The following SOHLH2 variants were observed in gnomAD, a reference collection of about 807,000 sequenced individuals.
The protein encoded by SOHLH2 is spermatogenesis- and oogenesis-specific basic helix-loop-helix-containing protein 2.
In SOHLH2, 22 loss-of-function variants were observed where a neutral mutation model predicts 50.4. The observed-to-expected ratio is 0.44, with a 90% CI of 0.31 to 0.62. The LOEUF is 0.62. Ranked by LOEUF, SOHLH2 falls within the 20% of genes least tolerant of loss-of-function variation. The pLI is 0.08. For synonymous variants in SOHLH2, 185 were observed against 187.3 expected (o/e 0.99, Z 0.10); for missense variants, 412 against 504.4 (o/e 0.82, Z 1.76).
intron 6 of SOHLH2, among the ~76,000 whole-genome samples, chr13:36,185,642 C>T (rs987664349): frequency 6.6e-6 from 1 of 151,696 alleles, no homozygotes; most frequent in African/African-American, 2.4e-5. Flanking sequence ...GATCAAGAAA[C>T]AAGGCAGAAA....
chr13:36,182,821 T>C (rs994747233), intron 6 of SOHLH2: 1 of 153,384 alleles, frequency 6.5e-6, no homozygotes, highest in Admixed American at 6.5e-5. Context: ...CAGTATTAGA[T>C]AACTGGGCGA....
chr13:36,177,815 G>T (rs576836366), intron 6 of SOHLH2, among the ~76,000 whole-genome samples: 143 of 152,026 alleles, frequency 9.4e-4, no homozygotes, highest in African/African-American at 3.1e-3. Flanking sequence ...TGGATACCAG[G>T]ATTTGTCAGA....
At chr13:36,179,851 G>C (rs1887200697) in intron 6 of SOHLH2, among the ~76,000 whole-genome samples, 1 of 152,102 alleles carries the variant, frequency 6.6e-6, no homozygotes, top group Non-Finnish European at 1.5e-5. Context: ...ATGTTCATGA[G>C]GGATACTGGT....
intron 6 of SOHLH2, among the ~76,000 whole-genome samples, chr13:36,186,788 A>C (rs761221047): frequency 5.9e-5 from 9 of 152,224 alleles, no homozygotes; most frequent in Non-Finnish European, 1.3e-4. Context: ...TAAGAATGCG[A>C]GTATCAGAGA....
intron 1 of SOHLH2, among the ~76,000 whole-genome samples, chr13:36,203,087 A>G (rs1033919980): frequency 7.2e-5 from 11 of 152,204 alleles, no homozygotes; most frequent in Non-Finnish European, 1.6e-4. Context: ...TTTTTTATAA[A>G]ATAGTCAACC....
chr13:36,179,249 G>A (rs1887181377), intron 6 of SOHLH2, among the ~76,000 whole-genome samples: 1 of 152,198 alleles, frequency 6.6e-6, no homozygotes, highest in Non-Finnish European at 1.5e-5. Context: ...GTTTTTTATA[G>A]ATGCCTTTTA....
Position 36,174,475 on chromosome 13 carries a change from C to T in SOHLH2, c.881+1G>A. 1 of 1,613,732 alleles carries T rather than the reference C, an allele frequency of 6.2e-7. No individual in the cohort carries two copies. The highest frequency in any genetic ancestry group is 8.5e-7 in the Non-Finnish European group (1 of 1,179,914). On this transcript the variant is annotated splice_donor_variant, in intron 8 of 10. Transcript: ENST00000379881. LOFTEE classifies it high-confidence loss of function. ...CAGATTCGCAAAAGCCCTTATCATACCGCTGTGCCATGACAGTGCCTGGGA... is the reference window on the plus strand; with the variant it reads ...CAGATTCGCAAAAGCCCTTATCATATCGCTGTGCCATGACAGTGCCTGGGA...
rs115516167 is a variant in SOHLH2 at position 36,174,659 on chromosome 13, G to A, written c.789+63C>T. 5,735 of 1,596,920 alleles carry A rather than the reference G, an allele frequency of 3.6e-3. 197 individuals carry two copies. The African/African-American group carries it at 0.069, about 19-fold the overall frequency. ...TTCCAATGATAAAAAATTAAAAGAA[G>A]TAAAATTGTAGTATTAAAGCATGTC... On this transcript the variant is annotated intron_variant, in intron 7 of 10. Transcript: ENST00000379881.
chr13:36,173,492 G>A (rs1258598990), intron 9 of SOHLH2, among the ~76,000 whole-genome samples, 200 bp downstream of exon 9: 4 of 152,120 alleles, frequency 2.6e-5, no homozygotes, highest in African/African-American at 9.7e-5. Context: ...TGGTAATTAC[G>A]GTCAATTTTG....
At chr13:36,188,675 A>G (rs1238812292) in intron 6 of SOHLH2, among the ~76,000 whole-genome samples, 2 of 152,168 alleles carry the variant, frequency 1.3e-5, no homozygotes, top group African/African-American at 4.8e-5. Context: ...GGTCTGCTCA[A>G]TACCACTGCC....
At chr13:36,184,916 C>G (rs1462759933) in intron 6 of SOHLH2, among the ~76,000 whole-genome samples, 1 of 152,098 alleles carries the variant, frequency 6.6e-6, no homozygotes, top group East Asian at 1.9e-4. Flanking sequence ...GCTCTCCCTC[C>G]CCTTTCCCCT....
intron 6 of SOHLH2, 23 bp downstream of exon 6, chr13:36,189,923 A>T (rs1887527163): frequency 6.4e-7 from 1 of 1,556,456 alleles, no homozygotes; most frequent in Non-Finnish European, 8.7e-7. Flanking sequence ...ATAATGCTTA[A>T]AAAGTGCTAT....
Position 36,201,511 on chromosome 13 carries a change from C to T in SOHLH2, c.263+368G>A, listed in dbSNP as rs573999735. On this transcript the variant is annotated intron_variant, in intron 2 of 10. Transcript: ENST00000379881. Reference sequence around the variant, plus strand: ...TTTTAGAAATAGCATCTCACTCTGTCGTCCAGGTTAGAGTACAGTGACATG... The same window carrying T: ...TTTTAGAAATAGCATCTCACTCTGTTGTCCAGGTTAGAGTACAGTGACATG... 2.6e-3 allele frequency among the ~76,000 whole-genome samples: 400 copies of T among 150,950 alleles called. 1 individual carries two copies. Among genetic ancestry groups the T allele is most frequent in the Non-Finnish European group, 4.7e-3 (320 of 67,916 alleles).
chr13:36,193,871 A>C lies in SOHLH2; in HGVS notation c.264-4T>G, dbSNP rs757079166. The C allele has an allele frequency of 1.3e-6, 2 of 1,592,334 alleles. No homozygotes were observed. Among genetic ancestry groups the C allele is most frequent in the South Asian group, 2.3e-5 (2 of 85,146 alleles). ...TGTATTTTTCTTTTTGCCAAATCTGAGAGAGGAAAGAAAATGTTAAAATGA... is the reference window on the plus strand; with the variant it reads ...TGTATTTTTCTTTTTGCCAAATCTGCGAGAGGAAAGAAAATGTTAAAATGA... On this transcript the variant is annotated splice_region_variant and splice_polypyrimidine_tract_variant and intron_variant, in intron 2 of 10. Transcript: ENST00000379881.
intron 2 of SOHLH2, among the ~76,000 whole-genome samples, chr13:36,196,127 A>ATAATT (rs1555245225): frequency 9.8e-6 from 1 of 101,982 alleles, no homozygotes; most frequent in African/African-American, 4.7e-5. Context: ...TAGATAGATA[A>ATAATT]TTTTTTTTTT....
intron 2 of SOHLH2, among the ~76,000 whole-genome samples, chr13:36,197,740 G>A (rs1268785773): frequency 6.6e-6 from 1 of 152,142 alleles, no homozygotes; most frequent in African/African-American, 2.4e-5. Context: ...AGCTCTGATA[G>A]TTTATTCTGG....
At chr13:36,174,093 A>AAGCACC (rs1482782361) in intron 8 of SOHLH2, among the ~76,000 whole-genome samples, 4 of 152,188 alleles carry the variant, frequency 2.6e-5, no homozygotes, top group Non-Finnish European at 5.9e-5. Context: ...GACCTGCTTT[A>AAGCACC]AGCACCACTA....
chr13:36,177,984 G>C (rs750025642), intron 6 of SOHLH2, among the ~76,000 whole-genome samples: 1 of 151,756 alleles, frequency 6.6e-6, no homozygotes, highest in Non-Finnish European at 1.5e-5. Flanking sequence ...GAACATCTGC[G>C]TACTCTCAGC....
At chr13:36,207,729 T>G (rs1362855068) in intron 1 of SOHLH2, among the ~76,000 whole-genome samples, 1 of 152,210 alleles carries the variant, frequency 6.6e-6, no homozygotes, top group African/African-American at 2.4e-5. Flanking sequence ...TCTTCTAATA[T>G]GCAATGGTTT....
Sources: allele counts gnomAD v4.1 joint callset (sites outside exome capture counted in the v4.1 genomes callset), GRCh38; gene constraint gnomAD v4.1.1; transcripts MANE v1.5; gene names NCBI Gene and HGNC (gene_info 2026-07-23, HGNC 2026-07-21).